Variants in ATP13A2 observed in about 807,000 individuals in gnomAD.
The protein encoded by ATP13A2 is ATPase cation transporting 13A2.
A neutral mutation model predicts 138.3 loss-of-function variants in ATP13A2; 83 were observed. The observed-to-expected ratio is 0.60, with a 90% CI of 0.50 to 0.72. The LOEUF (loss-of-function observed/expected upper bound fraction) is 0.72, where lower values mean the gene tolerates loss of function less well. Among genes scored for constraint, ATP13A2 ranks in the 30% least tolerant of loss-of-function variants. The pLI, the probability that ATP13A2 is intolerant of heterozygous loss-of-function variation, is 0.00. For missense variants in ATP13A2, 1,402 were observed against 1,606.4 expected (o/e 0.87, Z 2.17); for synonymous variants, 663 against 699.0 (o/e 0.95, Z 0.81).
chr1:16,987,822 C>T (rs2076789772), intron 25 of ATP13A2, among the ~76,000 whole-genome samples: 2 of 152,086 alleles, frequency 1.3e-5, no homozygotes, highest in African/African-American at 2.4e-5. Context: ...GGGGATGGGG[C>T]GGGGGCGAGG....
At position 16,992,109 on chromosome 1, in the gene ATP13A2, T is replaced by A; in HGVS notation, c.2026A>T (p.Met676Leu). The part of the protein sequence containing the change: ...PETVPTDFAQ[M>L]LQSYTAAGYR... ...CCAGCAGCTGTATAGCTCTGCAGCATCTGGGCGAAGTCGGTGGGCACTGCC... is the reference window on the plus strand; with the variant it reads ...CCAGCAGCTGTATAGCTCTGCAGCAACTGGGCGAAGTCGGTGGGCACTGCC... The change falls in exon 19 of 29, where the codon ATG (methionine) becomes TTG (leucine). Residue 676 changes from methionine (M) to leucine (L), a missense_variant. Physicochemically the swap from Met to Leu is conservative, Grantham distance 15 (BLOSUM62 2). Coordinates refer to ENST00000326735, the MANE Select transcript of ATP13A2 (RefSeq NM_022089.4). 1.2e-6 allele frequency: 2 copies of A among 1,613,444 alleles called. No homozygotes were observed. Among genetic ancestry groups the A allele is most frequent in the Non-Finnish European group, 1.7e-6 (2 of 1,179,698 alleles).
Position 16,996,272 on chromosome 1 carries a change from G to C in ATP13A2, c.1335C>G (p.Phe445Leu). ...GGCTTACCCGGTTTCGGTAGAGGAT[G>C]AAGATGCTGTAGATGGTGCCGAGGA... Reference protein sequence around the residue: ...LALLGTIYSIFILYRNRVPLN... With the variant: ...LALLGTIYSILILYRNRVPLN... The change falls in exon 14 of 29, where the codon TTC becomes TTG. Residue 445 changes from phenylalanine to leucine, a missense_variant. By Grantham distance (22) the Phe-to-Leu change is conservative. Transcript: ENST00000326735. 6.2e-7 allele frequency: 1 copy of C among 1,614,192 alleles called. No homozygotes were observed. The highest frequency in any genetic ancestry group is 1.3e-5 in the African/African-American group (1 of 75,064).
intron 1 of ATP13A2, among the ~76,000 whole-genome samples, chr1:17,010,532 C>G (rs1023138227): frequency 4.6e-5 from 7 of 152,212 alleles, no homozygotes; most frequent in Non-Finnish European, 7.3e-5. Context: ...AACTGAGGAA[C>G]AGCATGTGAA....
rs1438327777 is a variant in ATP13A2, at chr1:16,992,522, C to T, written c.1809G>A (p.Met603Ile). The change falls in exon 17 of 29, where the codon ATG becomes ATA. Residue 603 changes from methionine (M) to isoleucine (I), a missense_variant. Coordinates refer to ENST00000326735, the MANE Select transcript of ATP13A2 (RefSeq NM_022089.4). ...SAFGTQVLAV[M>I]RPPLWEPQLQ... ...GCTGGGGCTCCCAAAGTGGGGGTCTCATCACTGCCAAGACCTGGGTCCCAA... is the reference window on the plus strand; with the variant it reads ...GCTGGGGCTCCCAAAGTGGGGGTCTTATCACTGCCAAGACCTGGGTCCCAA... The T allele has an allele frequency of 6.2e-7, 1 of 1,614,082 alleles. No homozygotes were observed. The highest frequency in any genetic ancestry group is 8.5e-7 in the Non-Finnish European group (1 of 1,180,032).
Position 16,995,753 on chromosome 1 carries a change from A to G in ATP13A2, c.1542+223T>C. ...GAGCCACCGCGCCCGGCCCCCCACCAGTTCTTGAACACATGAATACATGAT... is the reference window on the plus strand; with the variant it reads ...GAGCCACCGCGCCCGGCCCCCCACCGGTTCTTGAACACATGAATACATGAT... On this transcript the variant is annotated intron_variant, in intron 15 of 28. Coordinates refer to ENST00000326735, the MANE Select transcript of ATP13A2 (RefSeq NM_022089.4). This position sits in a 1 kb window ranked among gnomAD's most constrained non-coding sequence, Gnocchi z 4.1. The G allele has an allele frequency of 1.5e-6, 1 of 668,916 alleles. No homozygotes were observed. Among genetic ancestry groups the G allele is most frequent in the Non-Finnish European group, 2.7e-6 (1 of 376,794 alleles). The allele number at this position is 668,916 out of a possible 1,614,324, so 41.4% of individuals were successfully genotyped here.
At position 16,997,126 on chromosome 1, in the gene ATP13A2, G is replaced by A; in HGVS notation, c.1089C>T (p.Pro363=). ...LKTALPEGLG[P]YCAETHRRHT... ...GCCGCCGGTGTGTCTCTGCACAGTAGGGCCCCAGCCCCTCCGGCAGTGCCG... is the reference window on the plus strand; with the variant it reads ...GCCGCCGGTGTGTCTCTGCACAGTAAGGCCCCAGCCCCTCCGGCAGTGCCG... Residue 363 remains proline, a synonymous_variant, in exon 12 of 29, where the codon CCC becomes CCT. Transcript: ENST00000326735. 1 of 1,613,768 alleles carries A rather than the reference G, an allele frequency of 6.2e-7. No individual in the cohort carries two copies.
rs777700606 is a variant in ATP13A2, at chr1:16,986,914, C to G, written c.3126G>C (p.Leu1042=). The G allele has an allele frequency of 6.2e-7, 1 of 1,613,840 alleles. No individual in the cohort carries two copies. The highest frequency in any genetic ancestry group is 1.7e-5 in the Admixed American group (1 of 59,980). The change falls in exon 27 of 29, where the codon CTG becomes CTC. Residue 1042 remains leucine, a synonymous_variant. Transcript: ENST00000326735. The surrounding 1 kb of genome is among the most constrained non-coding windows in gnomAD (Gnocchi z 6.9). ...LNRTVAAPDN[L]PNYENTVVFS... is the part of the protein sequence containing the mutation. ...AGACCACGGTGTTCTCGTAGTTGGG[C>G]AGGTTGTCTGGTGCGGCCACTGTCC... is the stretch of plus-strand genomic sequence containing the variant.
At chr1:17,002,000 G>A (rs1356080582) in intron 8 of ATP13A2, 34 bp downstream of exon 8, 4 of 1,592,612 alleles carry the variant, frequency 2.5e-6, no homozygotes, top group Non-Finnish European at 3.4e-6. Flanking sequence ...AGCACGCCAG[G>A]CAGGGCTGGG....
At chr1:17,005,351 C>T in intron 3 of ATP13A2, 23 bp downstream of exon 3, 1 of 1,576,946 alleles carries the variant, frequency 6.3e-7, no homozygotes, top group South Asian at 1.1e-5. Flanking sequence ...CTTCTCTAGC[C>T]CCAGGCTCAG....
intron 11 of ATP13A2, among the ~76,000 whole-genome samples, chr1:16,999,581 C>A (rs1221089080): frequency 6.6e-6 from 1 of 151,904 alleles, no homozygotes; most frequent in African/African-American, 2.4e-5. Flanking sequence ...GTTAGCAAGT[C>A]CTAAAGCTGG....
At chr1:17,010,092 GTTCCCCCC>G (rs1179112137) in intron 1 of ATP13A2, among the ~76,000 whole-genome samples, 1 of 75,536 alleles carries the variant, frequency 1.3e-5, no homozygotes, top group South Asian at 4.1e-4. Context: ...TTCCCCCCCC[GTTCCCCCC>G]TTCCCCCCTG....
At chr1:17,000,580 C>G (rs1570861853) in intron 8 of ATP13A2, 46 bp from the exon 9 acceptor site, 1 of 1,597,012 alleles carries the variant, frequency 6.3e-7, no homozygotes, top group Non-Finnish European at 8.5e-7. Context: ...TCCCCCAGGG[C>G]AGCCCAGCCA....
At position 16,998,048 on chromosome 1, in the gene ATP13A2, A is replaced by T. The variant is rs374247082; in HGVS notation, c.1040-873T>A. Among the ~76,000 whole-genome samples the T allele has an allele frequency of 3.3e-4, 50 of 152,270 alleles. No homozygotes were observed. In the East Asian group the frequency reaches 3.5e-3, roughly 11 times the overall value. On this transcript the variant is annotated intron_variant, in intron 11 of 28. Coordinates refer to ENST00000326735, the MANE Select transcript of ATP13A2 (RefSeq NM_022089.4). Reference sequence around the variant, plus strand: ...CCTTACTGAATGCCTGCAGGCTGGGACTATTGAGCACCTACTGTGTGCACA... The same window carrying T: ...CCTTACTGAATGCCTGCAGGCTGGGTCTATTGAGCACCTACTGTGTGCACA...
Position 17,011,803 on chromosome 1 carries a change from C to CA in ATP13A2, c.-66dup. 7.9e-7 allele frequency: 1 copy of CA among 1,270,228 alleles called. No homozygotes were observed. The highest frequency in any genetic ancestry group is 9.9e-7 in the Non-Finnish European group (1 of 1,008,254). The allele number at this position is 1,270,228 out of a possible 1,614,324, so 78.7% of individuals were successfully genotyped here. On this transcript the variant is annotated 5_prime_UTR_variant, in exon 1 of 29. Coordinates refer to ENST00000326735, the MANE Select transcript of ATP13A2 (RefSeq NM_022089.4). The surrounding 1 kb of genome is among the most constrained non-coding windows in gnomAD (Gnocchi z 7.3). ...CCCTCGGCCTGGGCCCCGGCGTGCG[C>CA]AAGGCCCTGGGCGGGGGCGCGGTCC... is the stretch of plus-strand genomic sequence containing the variant.
chr1:17,002,449 G>A, intron 6 of ATP13A2, 76 bp from the exon 7 acceptor site: 1 of 1,522,134 alleles, frequency 6.6e-7, no homozygotes, highest in South Asian at 1.2e-5. Context: ...GCAGGCTGGA[G>A]ACTATGGGCT....
At chr1:17,008,872 G>C (rs983518051) in intron 1 of ATP13A2, among the ~76,000 whole-genome samples, 1 of 151,432 alleles carries the variant, frequency 6.6e-6, no homozygotes, top group African/African-American at 2.4e-5. Flanking sequence ...GCTGAGGCGG[G>C]AGAATGGTGT....
chr1:16,997,571 G>A (rs2077188298), intron 11 of ATP13A2, among the ~76,000 whole-genome samples: 1 of 152,164 alleles, frequency 6.6e-6, no homozygotes, highest in Non-Finnish European at 1.5e-5. Context: ...GCCAGATGCG[G>A]TGGCTCACGC....
chr1:17,000,069 C>T lies in ATP13A2; in HGVS notation c.981G>A (p.Met327Ile). ...CGGCCACCAGGGCGGCATCACAGGG[C>T]ATCAGCCCACCCTCCTGGGGCAGCA... ...CLVLPQEGGL[M>I]PCDAALVAGE... The change falls in exon 11 of 29, where the codon ATG becomes ATA. Residue 327 changes from methionine (M) to isoleucine (I), a missense_variant. Physicochemically the swap from Met to Ile is conservative, Grantham distance 10 (BLOSUM62 1). Transcript: ENST00000326735. 1 of 1,613,372 alleles carries T rather than the reference C, an allele frequency of 6.2e-7. No homozygotes were observed. Among genetic ancestry groups the T allele is most frequent in the Non-Finnish European group, 8.5e-7 (1 of 1,179,890 alleles).
intron 6 of ATP13A2, among the ~76,000 whole-genome samples, chr1:17,003,040 G>A (rs1276209640): frequency 3.9e-5 from 6 of 152,150 alleles, no homozygotes; most frequent in Non-Finnish European, 8.8e-5. Flanking sequence ...GGAATTTGAT[G>A]GTAACTGTCC....
Sources: gnomAD v4.1 joint callset for allele counts (sites outside exome capture counted in the v4.1 genomes callset) on GRCh38, gnomAD v4.1.1 for gene constraint, Gnocchi (gnomAD v3.1) non-coding constraint, MANE v1.5 for transcripts, NCBI Gene and HGNC (gene_info 2026-07-23, HGNC 2026-07-21) for gene names.